The following TPH1 variants were observed in gnomAD, a reference collection of about 807,000 sequenced individuals.
TPH1 encodes the protein tryptophan hydroxylase 1, also known as tryptophan 5-hydroxylase 1.
Under a neutral mutation model 49.5 loss-of-function variants are expected in TPH1, and 37 were observed. The observed-to-expected ratio is 0.75, with a 90% CI of 0.58 to 0.98. TPH1 has a LOEUF of 0.98. TPH1 is among the 50% of genes least tolerant of loss of function. The pLI is 0.00. For synonymous variants in TPH1, 160 were observed against 182.1 expected, an observed-to-expected ratio of 0.88 and a Z score of 0.98; for missense variants, 487 against 523.6, an observed-to-expected ratio of 0.93 and a Z score of 0.68.
intron 3 of TPH1, among the ~76,000 whole-genome samples, chr11:18,035,726 GT>G (rs1272207190): frequency 4.6e-5 from 7 of 151,878 alleles, no homozygotes; most frequent in Admixed American, 1.3e-4. Context: ...ACACCCAGCT[GT>G]TTCTTATACT....
intron 3 of TPH1, among the ~76,000 whole-genome samples, chr11:18,033,941 A>C (rs557281961): frequency 1.3e-5 from 2 of 152,286 alleles, no homozygotes; most frequent in South Asian, 2.1e-4. Context: ...AATATCCGTC[A>C]CATCCTTCAA....
rs1848010666 is a variant in TPH1 at position 18,033,333 on chromosome 11, G to A, written c.343C>T (p.Leu115=). ...AGAACTCTGTTGGCACAATGGTCCA[G>A]GTCAGAAATCTTCTTTGGAAACCAA... ...VPWFPKKISD[L]DHCANRVLMY... The change falls in exon 4 of 11, where the codon CTG becomes TTG. Residue 115 remains leucine (L), a synonymous_variant. Coordinates refer to ENST00000682019, the MANE Select transcript of TPH1 (RefSeq NM_004179.3). 6.2e-7 allele frequency: 1 copy of A among 1,613,962 alleles called. No homozygotes were observed. The highest frequency in any genetic ancestry group is 8.5e-7 in the Non-Finnish European group (1 of 1,179,926).
At chr11:18,029,647 C>T in intron 4 of TPH1, 68 bp from the exon 5 acceptor site, 2 of 1,281,008 alleles carry the variant, frequency 1.6e-6, no homozygotes, top group African/African-American at 2.9e-5. Flanking sequence ...ATTTGGGAAA[C>T]ATTTCATTAT....
chr11:18,023,855 A>C, intron 9 of TPH1, 33 bp downstream of exon 9: 1 of 1,522,942 alleles, frequency 6.6e-7, no homozygotes, highest in East Asian at 2.3e-5. Context: ...TGTTAGGTGA[A>C]TATGGTTATA....
At chr11:18,025,736 G>A (rs1847923376) in intron 7 of TPH1, 35 bp from the exon 8 acceptor site, 1 of 1,612,774 alleles carries the variant, frequency 6.2e-7, no homozygotes, top group Non-Finnish European at 8.5e-7. Context: ...ACGCTGCAGT[G>A]CTTAACATAC....
chr11:18,045,499 C>T (rs1848132826), intron 1 of TPH1, among the ~76,000 whole-genome samples: 1 of 147,272 alleles, frequency 6.8e-6, no homozygotes, highest in South Asian at 2.3e-4. Context: ...TTTTAACTAA[C>T]AGGCACAAAC....
intron 3 of TPH1, 66 bp downstream of exon 3, chr11:18,035,893 A>C: frequency 1.5e-5 from 20 of 1,333,924 alleles, no homozygotes; most frequent in Admixed American, 3.4e-5. Context: ...CTTCAAGATA[A>C]ATATAAGGCT....
intron 3 of TPH1, among the ~76,000 whole-genome samples, 165 bp downstream of exon 3, chr11:18,035,794 C>A (rs1328813762): frequency 6.6e-6 from 1 of 152,070 alleles, no homozygotes; most frequent in Admixed American, 6.6e-5. Context: ...TATAATTTTT[C>A]TTTGGTATCT....
At chr11:18,030,097 C>T (rs556180010) in intron 4 of TPH1, among the ~76,000 whole-genome samples, 10 of 151,856 alleles carry the variant, frequency 6.6e-5, no homozygotes, top group Non-Finnish European at 1.2e-4. Context: ...AGAATTTATA[C>T]TCATGAAAAA....
chr11:18,025,373 T>G (rs548972892), intron 8 of TPH1, among the ~76,000 whole-genome samples: 1 of 152,274 alleles, frequency 6.6e-6, no homozygotes, highest in African/African-American at 2.4e-5. Context: ...CTCTTTTTTA[T>G]CCTTTCCTCT....
intron 1 of TPH1, among the ~76,000 whole-genome samples, chr11:18,045,305 T>C (rs957369490): frequency 2.0e-5 from 3 of 151,696 alleles, no homozygotes; most frequent in South Asian, 4.2e-4. Context: ...GAAAACACTA[T>C]CCATGAAAAA....
intron 4 of TPH1, among the ~76,000 whole-genome samples, chr11:18,030,961 T>A (rs572475713): frequency 1.3e-5 from 2 of 152,320 alleles, no homozygotes; most frequent in Non-Finnish European, 2.9e-5. Flanking sequence ...TGGTGTTTTT[T>A]AAATAACTTT....
Position 18,033,349 on chromosome 11 carries a change from T to C in TPH1, c.327A>G (p.Pro109=). The C allele has an allele frequency of 6.2e-7, 1 of 1,613,958 alleles. No homozygotes were observed. The highest frequency in any genetic ancestry group is 8.5e-7 in the Non-Finnish European group (1 of 1,179,890). ...EDGMETVPWF[P]KKISDLDHCA... ...AATGGTCCAGGTCAGAAATCTTCTT[T>C]GGAAACCAAGGAACAGTTTCCATAC... is the stretch of plus-strand genomic sequence containing the variant. The change falls in exon 4 of 11, where the codon CCA becomes CCG. Residue 109 remains proline (P), a synonymous_variant. Transcript: ENST00000682019.
chr11:18,044,640 A>G (rs1045598969), intron 1 of TPH1, among the ~76,000 whole-genome samples: 1 of 152,114 alleles, frequency 6.6e-6, no homozygotes, highest in East Asian at 1.9e-4. Flanking sequence ...ATGAGGCATC[A>G]GTTATTTTTT....
chr11:18,024,050 T>C (rs929764351), intron 8 of TPH1, 67 bp from the exon 9 acceptor site: 7 of 1,275,830 alleles, frequency 5.5e-6, no homozygotes, highest in African/African-American at 1.5e-5. Flanking sequence ...TTACAATTCT[T>C]AGTCACTGAC....
rs754904797 is a variant in TPH1, at chr11:18,040,668, A to C, written c.95T>G (p.Ile32Arg). Residue 32 changes from isoleucine (I) to arginine (R), a missense_variant, in exon 2 of 11, where the codon ATA becomes AGA. Ile to Arg is a moderately conservative substitution (Grantham distance 97). Coordinates refer to ENST00000682019, the MANE Select transcript of TPH1 (RefSeq NM_004179.3). The stretch of plus-strand genomic sequence containing the variant: ...TACCTGAAAGATTTTCAGGGCTTTT[A>C]TAAGTCCTCCAACTTCATTCTTTAA... Reference protein sequence around the residue: ...FSLKNEVGGLIKALKIFQEKH... With the variant: ...FSLKNEVGGLRKALKIFQEKH... 2 of 1,612,182 alleles carry C rather than the reference A, an allele frequency of 1.2e-6. No homozygotes were observed. Among genetic ancestry groups the C allele is most frequent in the South Asian group, 2.2e-5 (2 of 90,874 alleles).
At chr11:18,025,298 A>C (rs1847916981) in intron 8 of TPH1, among the ~76,000 whole-genome samples, 1 of 152,120 alleles carries the variant, frequency 6.6e-6, no homozygotes. Flanking sequence ...TGTTATTTGA[A>C]TTAAAGATTA....
chr11:18,036,519 G>T (rs568109723), intron 2 of TPH1, among the ~76,000 whole-genome samples: 2 of 152,282 alleles, frequency 1.3e-5, no homozygotes, highest in African/African-American at 4.8e-5. Flanking sequence ...GGAGAAAGAA[G>T]AGTTTCCCTT....
intron 2 of TPH1, among the ~76,000 whole-genome samples, chr11:18,040,258 A>G (rs1354640418): frequency 2.0e-5 from 3 of 148,240 alleles, no homozygotes; most frequent in Non-Finnish European, 4.5e-5. Flanking sequence ...CTATTTTAGA[A>G]ATGTAAGTTC....
Sources: allele counts gnomAD v4.1 joint callset (sites outside exome capture counted in the v4.1 genomes callset), GRCh38; gene constraint gnomAD v4.1.1; transcripts MANE v1.5; gene names NCBI Gene and HGNC (gene_info 2026-07-23, HGNC 2026-07-21).